The following POLR2E variants were observed in gnomAD, a reference collection of about 807,000 sequenced individuals.
POLR2E encodes RNA polymerase II, I and III subunit E, also known as DNA-directed RNA polymerases I, II, and III subunit RPABC1.
A neutral mutation model predicts 29.8 loss-of-function variants in POLR2E; 35 were observed. The observed-to-expected ratio is 1.17, with a 90% CI of 0.90 to 1.55. POLR2E has a LOEUF of 1.55. POLR2E is among the 40% of genes most tolerant of loss of function. POLR2E has a pLI of 0.00. For synonymous variants in POLR2E, 174 were observed against 112.6 expected (o/e 1.55, Z -3.45); for missense variants, 287 against 288.6 (o/e 0.99, Z 0.04).
chr19:1,091,127 G>C, intron 3 of POLR2E, 139 bp from the exon 4 acceptor site: 1 of 648,152 alleles, frequency 1.5e-6, no homozygotes, highest in Non-Finnish European at 2.6e-6. Context: ...CCCACCGCCA[G>C]CCCAGGAGCC....
chr19:1,090,155 G>A lies in POLR2E; in HGVS notation c.430-10C>T, dbSNP rs534921836. The A allele has an allele frequency of 3.7e-6, 6 of 1,612,214 alleles. No individual in the cohort carries two copies. Among genetic ancestry groups the A allele is most frequent in the South Asian group, 3.3e-5 (3 of 91,052 alleles). ...CGTGCTCAGGGACTAGCTGCCGAGA[G>A]AGGAAGCCACCAGGCATCACCAAGG... On this transcript the variant is annotated splice_polypyrimidine_tract_variant and intron_variant, in intron 4 of 7. Coordinates refer to ENST00000615234, the MANE Select transcript of POLR2E (RefSeq NM_002695.5).
chr19:1,089,412 G>T, intron 7 of POLR2E, 60 bp downstream of exon 7: 1 of 1,124,422 alleles, frequency 8.9e-7, no homozygotes. Context: ...GCACACCGAC[G>T]GAGGGGACGA....
At chr19:1,093,628 G>A (rs1157964292) in intron 2 of POLR2E, 6 of 723,534 alleles carry the variant, frequency 8.3e-6, no homozygotes, top group East Asian at 4.1e-5. Context: ...CAAAGGACAT[G>A]GGGGGCTGGG....
At chr19:1,089,087 C>A (rs1454340987) in intron 7 of POLR2E, among the ~76,000 whole-genome samples, 1 of 152,218 alleles carries the variant, frequency 6.6e-6, no homozygotes, top group Non-Finnish European at 1.5e-5. Context: ...GGTGCCCACT[C>A]AGGGAAGGGT....
chr19:1,086,967 C>T lies in POLR2E; in HGVS notation c.*1768G>A, dbSNP rs1487648789. 1.3e-5 allele frequency: 2 copies of T among 151,532 alleles called. No homozygotes were observed. The highest frequency in any genetic ancestry group is 2.4e-5 in the African/African-American group (1 of 41,104). The allele number at this position is 151,532 out of a possible 1,614,324, so 9.4% of individuals were successfully genotyped here. Reference sequence around the variant, plus strand: ...CCACATGGCCACCAAGCACTGGAAACGTGGCCCATGCGCCTGTGGAACTGC... The same window carrying T: ...CCACATGGCCACCAAGCACTGGAAATGTGGCCCATGCGCCTGTGGAACTGC... On this transcript the variant is annotated 3_prime_UTR_variant, in exon 8 of 8. Transcript: ENST00000615234.
Position 1,089,491 on chromosome 19 carries a change from G to GCAC in POLR2E, c.625_627dup (p.Val209dup). ...TCTCACCTGTCAGGCGGTAGCTACT[G>GCAC]CACCAGCCGGTAGGTGATGTACCTG... On this transcript the variant is annotated inframe_insertion, in exon 7 of 8. Transcript: ENST00000615234. The GCAC allele has an allele frequency of 1.2e-6, 2 of 1,612,286 alleles. No homozygotes were observed. The highest frequency in any genetic ancestry group is 1.7e-6 in the Non-Finnish European group (2 of 1,179,018).
intron 3 of POLR2E, among the ~76,000 whole-genome samples, chr19:1,091,309 G>A (rs1043591665): frequency 4.6e-5 from 7 of 152,214 alleles, no homozygotes; most frequent in Non-Finnish European, 8.8e-5. Context: ...GTGTGGCTGC[G>A]TGAACCCCAC....
At chr19:1,094,231 G>C in intron 1 of POLR2E, 153 bp from the exon 2 acceptor site, 1 of 644,196 alleles carries the variant, frequency 1.6e-6, no homozygotes, top group Non-Finnish European at 2.6e-6. Context: ...CAGCCACCCC[G>C]GCCCCCACAG....
rs954578602 is a variant in POLR2E at position 1,088,738 on chromosome 19, T to C, written c.*15-18A>G. On this transcript the variant is annotated intron_variant, in intron 7 of 7. Coordinates refer to ENST00000615234, the MANE Select transcript of POLR2E (RefSeq NM_002695.5). ...TCTAGGGGCTAGGAAAGGGGGAGAG[T>C]GGTCACACGACAGGGGCAGATCCAG... 1 of 148,204 alleles carries C rather than the reference T, an allele frequency of 6.7e-6. No homozygotes were observed. Among genetic ancestry groups the C allele is most frequent in the African/African-American group, 2.5e-5 (1 of 39,900 alleles). The allele number at this position is 148,204 out of a possible 1,614,324, so 9.2% of individuals were successfully genotyped here.
rs376798581 is a variant in POLR2E, at chr19:1,094,086, G to C, written c.58-8C>G. ...GCCACGGTCGTGGCACAGCTGCAGA[G>C]AGAAAGAACCAGCTGACCCCAGGGC... On this transcript the variant is annotated splice_region_variant and splice_polypyrimidine_tract_variant and intron_variant, in intron 1 of 7. Coordinates refer to ENST00000615234, the MANE Select transcript of POLR2E (RefSeq NM_002695.5). 3.1e-6 allele frequency: 5 copies of C among 1,604,130 alleles called. No individual in the cohort carries two copies. In the South Asian group the frequency reaches 4.4e-5, roughly 14 times the overall value.
rs746496685 is a variant in POLR2E at position 1,089,469 on chromosome 19, C to T, written c.*14+3G>A. 1.2e-6 allele frequency: 2 copies of T among 1,608,326 alleles called. No individual in the cohort carries two copies. The highest frequency in any genetic ancestry group is 2.2e-5 in the East Asian group (1 of 44,828). On this transcript the variant is annotated splice_donor_region_variant and intron_variant, in intron 7 of 7. Coordinates refer to ENST00000615234, the MANE Select transcript of POLR2E (RefSeq NM_002695.5). Reference sequence around the variant, plus strand: ...CTCAGTGCCTGTCCCTCGGCCGTCTCACCTGTCAGGCGGTAGCTACTGCAC... The same window carrying T: ...CTCAGTGCCTGTCCCTCGGCCGTCTTACCTGTCAGGCGGTAGCTACTGCAC...
intron 2 of POLR2E, chr19:1,093,599 G>T: frequency 3.7e-5 from 16 of 434,438 alleles, no homozygotes; most frequent in South Asian, 1.5e-4. Flanking sequence ...CAGGATGGGG[G>T]AGCCAAGGGA....
chr19:1,091,860 T>C lies in POLR2E; in HGVS notation c.280A>G (p.Met94Val), dbSNP rs1348100349. The change falls in exon 3 of 8, where the codon ATG becomes GTG. Residue 94 changes from methionine to valine, a missense_variant. Met to Val is a conservative substitution (Grantham distance 21). Coordinates refer to ENST00000615234, the MANE Select transcript of POLR2E (RefSeq NM_002695.5). The stretch of plus-strand genomic sequence containing the variant: ...GCCCGTGTGATGTTCTCCTCCTGCA[T>C]GCGCTGGCAGTACACCTTGATGGTC... ...IKTIKVYCQR[M>V]QEENITRALI... The C allele has an allele frequency of 4.3e-6, 7 of 1,613,364 alleles. No homozygotes were observed. The highest frequency in any genetic ancestry group is 5.9e-6 in the Non-Finnish European group (7 of 1,179,840).
rs189496147 is a variant in POLR2E at position 1,090,713 on chromosome 19, C to T, written c.429+195G>A. Among the ~76,000 whole-genome samples the T allele has an allele frequency of 2.5e-3, 377 of 152,042 alleles. 1 individual carries two copies. Among genetic ancestry groups the T allele is most frequent in the African/African-American group, 8.8e-3 (363 of 41,458 alleles). ...GATTACATGTGTGAGCCACCGCGCC[C>T]GGCCGGGATCTGCATTTCTAGGAAG... On this transcript the variant is annotated intron_variant, in intron 4 of 7. Transcript: ENST00000615234.
At chr19:1,091,148 C>G (rs772046003) in intron 3 of POLR2E, among the ~76,000 whole-genome samples, 160 bp from the exon 4 acceptor site, 25 of 152,342 alleles carry the variant, frequency 1.6e-4, no homozygotes, top group Admixed American at 7.2e-4. Flanking sequence ...TTCAACAGCC[C>G]GCCCCTCCCC....
rs1483943862 is a variant in POLR2E at position 1,095,320 on chromosome 19, G to A, written c.-5C>T. 3.1e-6 allele frequency: 5 copies of A among 1,612,048 alleles called. No homozygotes were observed. The highest frequency in any genetic ancestry group is 1.1e-5 in the South Asian group (1 of 91,062). ...CGTCTCCTCCTCGTCGTCCATGGCA[G>A]CCTCCGCCGCCGCCGCCGCTCGCAC... On this transcript the variant is annotated 5_prime_UTR_variant, in exon 1 of 8. Coordinates refer to ENST00000615234, the MANE Select transcript of POLR2E (RefSeq NM_002695.5).
chr19:1,094,257 T>C, intron 1 of POLR2E, 179 bp from the exon 2 acceptor site: 1 of 593,388 alleles, frequency 1.7e-6, no homozygotes, highest in Non-Finnish European at 2.9e-6. Flanking sequence ...CACCACAGGA[T>C]GGGACCAGTA....
chr19:1,090,801 A>C, intron 4 of POLR2E, 107 bp downstream of exon 4: 1 of 940,172 alleles, frequency 1.1e-6, no homozygotes, highest in Non-Finnish European at 1.6e-6. Context: ...TCCATGCACT[A>C]ATAGGAACAC....
intron 3 of POLR2E, chr19:1,091,577 G>C (rs1321743893): frequency 1.7e-6 from 1 of 571,824 alleles, no homozygotes; most frequent in Non-Finnish European, 3.1e-6. Flanking sequence ...CGCCCCTCCT[G>C]AGAGCTGGGG....
Sources: allele counts gnomAD v4.1 joint callset (sites outside exome capture counted in the v4.1 genomes callset), GRCh38; gene constraint gnomAD v4.1.1; transcripts MANE v1.5; gene names NCBI Gene and HGNC (gene_info 2026-07-23, HGNC 2026-07-21).